Variants in THADA observed in about 807,000 individuals in gnomAD.
THADA encodes the protein THADA armadillo repeat containing.
Under a neutral mutation model 219.8 loss-of-function variants are expected in THADA, and 213 were observed. The ratio of observed to expected loss-of-function variants is 0.97; its 90% CI spans 0.87 to 1.09. The LOEUF is 1.09. Among genes scored for constraint, THADA ranks in the 50% least tolerant of loss-of-function variants. The pLI is 0.00. For missense variants in THADA, 2,956 were observed against 2,311.3 expected (o/e 1.28, Z -5.72); for synonymous variants, 1,018 against 828.9 (o/e 1.23, Z -3.92).
chr2:43,248,162 TATAGAGAGAGAGAGAGAGAGAG>T (rs1236172127), intron 36 of THADA, among the ~76,000 whole-genome samples: 958 of 44,222 alleles, frequency 0.022, 5 homozygotes, highest in African/African-American at 0.033. Flanking sequence ...TATATATATA[TATAGAGAGAGAGAGAGAGAGAG>T]AGAGAGAGAG....
intron 29 of THADA, among the ~76,000 whole-genome samples, chr2:43,353,431 A>C (rs2104565864): frequency 6.6e-6 from 1 of 152,190 alleles, no homozygotes; most frequent in East Asian, 1.9e-4. Context: ...TCAAATGATT[A>C]GTGATGTTGA....
intron 36 of THADA, among the ~76,000 whole-genome samples, chr2:43,262,032 A>C (rs991970636): frequency 1.1e-4 from 16 of 152,212 alleles, no homozygotes; most frequent in African/African-American, 3.6e-4. Context: ...TCGGCCTCTC[A>C]AAGTGCTGGG....
chr2:43,472,778 G>T (rs1453317841), intron 26 of THADA, among the ~76,000 whole-genome samples: 1 of 152,288 alleles, frequency 6.6e-6, no homozygotes, highest in Admixed American at 6.5e-5. Flanking sequence ...AGGCTATATG[G>T]TATAGCCTAT....
intron 28 of THADA, among the ~76,000 whole-genome samples, chr2:43,427,079 T>C (rs751654766): frequency 2.0e-5 from 3 of 152,204 alleles, no homozygotes; most frequent in African/African-American, 7.2e-5. Flanking sequence ...GAATACTCTA[T>C]ATTCATGGCT....
At chr2:43,263,328 A>C (rs1049813026) in intron 36 of THADA, among the ~76,000 whole-genome samples, 5 of 151,702 alleles carry the variant, frequency 3.3e-5, no homozygotes, top group Admixed American at 2.6e-4. Context: ...GCCTACCCTC[A>C]TATCTGGGAT....
chr2:43,335,032 G>C (rs1394112218), intron 30 of THADA, among the ~76,000 whole-genome samples: 2 of 152,092 alleles, frequency 1.3e-5, no homozygotes, highest in South Asian at 2.1e-4. Context: ...GTTTCAAATG[G>C]GGGAGTTGGA....
chr2:43,515,015 T>C (rs1293538417), intron 22 of THADA, among the ~76,000 whole-genome samples: 2 of 61,476 alleles, frequency 3.3e-5, no homozygotes, highest in Non-Finnish European at 5.4e-5. Context: ...ATATATATTA[T>C]ATATTTTATA....
chr2:43,291,613 G>C lies in THADA; in HGVS notation c.5010+83C>G, dbSNP rs10201718. 4 of 1,059,172 alleles carry C rather than the reference G, an allele frequency of 3.8e-6. No individual in the cohort carries two copies. In the South Asian group the frequency reaches 7.0e-5, roughly 18 times the overall value. The allele number at this position is 1,059,172 out of a possible 1,614,324, so 65.6% of individuals were successfully genotyped here. A position where few individuals can be genotyped will look rare whatever the true frequency, so the allele number is the denominator to read the frequency against. The stretch of plus-strand genomic sequence containing the variant: ...ATATCACAGGGGTTCTGCCTGCTAA[G>C]ACTGTTCACTTTTACTGACATCTTC... On this transcript the variant is annotated intron_variant, in intron 34 of 37. Transcript: ENST00000405975.
intron 30 of THADA, among the ~76,000 whole-genome samples, chr2:43,322,748 C>A: frequency 8.5e-6 from 1 of 117,472 alleles, no homozygotes; most frequent in Non-Finnish European, 1.6e-5. Flanking sequence ...TGCAGTGGTG[C>A]GATCTTGGCT....
intron 10 of THADA, among the ~76,000 whole-genome samples, chr2:43,576,487 T>C (rs1421192683): frequency 7.2e-5 from 11 of 152,210 alleles, no homozygotes; most frequent in Admixed American, 7.2e-4. Context: ...TCTTATCCTA[T>C]ATAGTAGCCA....
intron 36 of THADA, among the ~76,000 whole-genome samples, chr2:43,238,610 T>G (rs140427777): frequency 1.3e-5 from 2 of 152,056 alleles, no homozygotes; most frequent in East Asian, 3.9e-4. Context: ...CTCCTAGGAG[T>G]GTATCTAAGA....
chr2:43,339,948 A>C (rs573090132), intron 30 of THADA, among the ~76,000 whole-genome samples: 4 of 152,120 alleles, frequency 2.6e-5, no homozygotes, highest in African/African-American at 9.7e-5. Context: ...AAATAAATAA[A>C]TAAATAAAAA....
intron 25 of THADA, among the ~76,000 whole-genome samples, chr2:43,490,079 C>T (rs952060664): frequency 8.6e-5 from 13 of 152,024 alleles, no homozygotes; most frequent in African/African-American, 2.9e-4. Flanking sequence ...AGTTCCTTTG[C>T]TAAATTTATT....
intron 20 of THADA, among the ~76,000 whole-genome samples, chr2:43,542,967 T>C (rs896229485): frequency 6.6e-6 from 1 of 151,380 alleles, no homozygotes; most frequent in African/African-American, 2.4e-5. Flanking sequence ...GCTGCACCCA[T>C]TAACTACTCA....
At chr2:43,253,842 T>C (rs1670048690) in intron 36 of THADA, among the ~76,000 whole-genome samples, 1 of 152,164 alleles carries the variant, frequency 6.6e-6, no homozygotes, top group African/African-American at 2.4e-5. Context: ...CTCAAAAATC[T>C]TTACTGGTTC....
chr2:43,255,180 G>A (rs146767947), intron 36 of THADA, among the ~76,000 whole-genome samples: 10 of 152,168 alleles, frequency 6.6e-5, no homozygotes, highest in Non-Finnish European at 1.2e-4. Flanking sequence ...GCAGAGGGAC[G>A]TACCACATTC....
chr2:43,466,813 T>G (rs2104946808), intron 26 of THADA, among the ~76,000 whole-genome samples: 1 of 152,312 alleles, frequency 6.6e-6, no homozygotes, highest in Middle Eastern at 3.4e-3. Context: ...TCCTCCAATA[T>G]GACCTTATTT....
At chr2:43,533,874 T>C (rs1363387021) in intron 21 of THADA, among the ~76,000 whole-genome samples, 2 of 152,140 alleles carry the variant, frequency 1.3e-5, no homozygotes, top group African/African-American at 4.8e-5. Flanking sequence ...AACCTCACGT[T>C]CAGCACATGT....
intron 18 of THADA, 89 bp downstream of exon 18, chr2:43,552,115 A>G (rs1044311225): frequency 4.5e-5 from 69 of 1,534,900 alleles, no homozygotes; most frequent in African/African-American, 1.7e-4. Context: ...AATAGACTGC[A>G]TTCCTTTCCC....
Sources: gnomAD v4.1 joint callset for allele counts (sites outside exome capture counted in the v4.1 genomes callset) on GRCh38, gnomAD v4.1.1 for gene constraint, MANE v1.5 for transcripts, NCBI Gene and HGNC (gene_info 2026-07-23, HGNC 2026-07-21) for gene names.